TTC7A: variants seen among roughly 807,000 people sequenced by gnomAD.
TTC7A encodes the protein tetratricopeptide repeat domain 7A.
A neutral mutation model predicts 103.7 loss-of-function variants in TTC7A; 110 were observed. The observed-to-expected ratio is 1.06, with a 90% CI of 0.91 to 1.24. The LOEUF (loss-of-function observed/expected upper bound fraction) is 1.24, where lower values mean the gene tolerates loss of function less well. Among genes scored for constraint, TTC7A ranks in the 50% most tolerant of loss-of-function variants. The probability of loss-of-function intolerance (pLI) is 0.00; values close to 1 mark genes in which losing one functional copy is unlikely to be tolerated. For missense variants in TTC7A, 1,340 were observed against 1,116.3 expected (o/e 1.20, Z -2.86); for synonymous variants, 521 against 467.9 (o/e 1.11, Z -1.47).
intron 2 of TTC7A, among the ~76,000 whole-genome samples, chr2:46,952,654 C>T (rs1453064906): frequency 1.3e-5 from 2 of 152,096 alleles, no homozygotes; most frequent in African/African-American, 2.4e-5. Flanking sequence ...CAAGAAGCTG[C>T]GGCTGGAGGG....
intron 2 of TTC7A, among the ~76,000 whole-genome samples, chr2:46,928,172 G>A (rs150015547): frequency 3.1e-4 from 47 of 151,968 alleles, no homozygotes; most frequent in African/African-American, 1.0e-3. Context: ...GATTACAGGC[G>A]TGAGTCATTG....
At chr2:46,964,278 A>G (rs1017299387) in intron 3 of TTC7A, among the ~76,000 whole-genome samples, 2 of 152,128 alleles carry the variant, frequency 1.3e-5, no homozygotes, top group African/African-American at 2.4e-5. Flanking sequence ...GCCAAAGGGA[A>G]GCCCCGGGGG....
chr2:46,964,347 A>G (rs904794379), intron 3 of TTC7A, among the ~76,000 whole-genome samples: 10 of 152,234 alleles, frequency 6.6e-5, no homozygotes, highest in Middle Eastern at 3.4e-3. Context: ...TGGAGCCAAG[A>G]GGAGGTGTGT....
At chr2:47,005,884 C>G (rs1677318532) in intron 8 of TTC7A, 38 bp from the exon 9 acceptor site, 1 of 1,612,014 alleles carries the variant, frequency 6.2e-7, no homozygotes, top group Admixed American at 1.7e-5. Context: ...TGCTTATCTA[C>G]TCTCCTCACT....
intron 2 of TTC7A, among the ~76,000 whole-genome samples, chr2:46,935,707 G>A (rs183636246): frequency 8.3e-4 from 127 of 152,326 alleles, no homozygotes; most frequent in African/African-American, 2.9e-3. Context: ...GTGATCCTCT[G>A]AGGCTCTTAA....
At chr2:47,061,002 C>T (rs1339558998) in intron 19 of TTC7A, 31 bp downstream of exon 19, 2 of 1,554,472 alleles carry the variant, frequency 1.3e-6, no homozygotes, top group East Asian at 2.3e-5. Flanking sequence ...CTCCCACCAC[C>T]TCCTCCCACA....
intron 16 of TTC7A, chr2:47,047,013 C>G (rs1352603945): frequency 7.0e-6 from 3 of 429,262 alleles, no homozygotes; most frequent in East Asian, 4.0e-5. Context: ...GCTGGAGACC[C>G]TGGCCTGGGA....
Position 46,941,396 on chromosome 2 carries a change from C to G in TTC7A, c.-146C>G. ...TGCTGCTGCTGCTGCCCACCCTCCG[C>G]CGCCCGGGCCCCCGCTGCCGCCCGG... is the stretch of plus-strand genomic sequence containing the variant. On this transcript the variant is annotated 5_prime_UTR_variant, in exon 1 of 20. Transcript: ENST00000319190. This position sits in a 1 kb window ranked among gnomAD's most constrained non-coding sequence, Gnocchi z 4.2. 7.9e-6 allele frequency: 5 copies of G among 635,416 alleles called. No individual in the cohort carries two copies. Among genetic ancestry groups the G allele is most frequent in the Non-Finnish European group, 1.0e-5 (5 of 478,264 alleles). The allele number at this position is 635,416 out of a possible 1,614,324, so 39.4% of individuals were successfully genotyped here.
In TTC7A at chr2:47,060,830, G is replaced by A. The variant is rs369839639; in HGVS notation, c.2214G>A (p.Ala738=). Residue 738 remains alanine, a synonymous_variant, in exon 19 of 20, where the codon GCG becomes GCA. Coordinates refer to ENST00000319190, the MANE Select transcript of TTC7A (RefSeq NM_020458.4). ...KEAGFCIQEA[A]GLFPTSHSVL... ...CAGGTTTCTGCATCCAGGAGGCGGC[G>A]GGCCTCTTCCCCACTTCTCACTCAG... 5.1e-5 allele frequency: 82 copies of A among 1,613,708 alleles called. 2 individuals are homozygous for A. In the Admixed American group the frequency reaches 1.0e-3, roughly 20 times the overall value.
intron 2 of TTC7A, among the ~76,000 whole-genome samples, chr2:46,919,804 G>A (rs1436970363): frequency 6.6e-6 from 1 of 152,224 alleles, no homozygotes; most frequent in Non-Finnish European, 1.5e-5. Flanking sequence ...TTAATACACT[G>A]CCACCAAAGA....
chr2:46,965,833 A>G (rs28434195), intron 3 of TTC7A, among the ~76,000 whole-genome samples: 105,615 of 151,486 alleles, frequency 0.7, 36,995 homozygotes, highest in Middle Eastern at 0.75. Context: ...GGAGTACTGG[A>G]GTTACAGGCG....
rs34664382 is a variant in TTC7A at position 46,987,809 on chromosome 2, C to CGTGTGTGTGTGTGTGT, written c.765-5622_765-5607dup. Among the ~76,000 whole-genome samples, 453 of 144,626 alleles carry CGTGTGTGTGTGTGTGT rather than the reference C, an allele frequency of 3.1e-3. 5 individuals are homozygous for CGTGTGTGTGTGTGTGT. The highest frequency in any genetic ancestry group is 4.5e-3 in the Admixed American group (66 of 14,578). 94.9% of individuals were successfully genotyped at this position (144,626 alleles called of 152,430 possible). On this transcript the variant is annotated intron_variant, in intron 5 of 19. Coordinates refer to ENST00000319190, the MANE Select transcript of TTC7A (RefSeq NM_020458.4). ...GGTGAAAGCACTGTCCCTTTCCGCG[C>CGTGTGTGTGTGTGTGT]GTGTGTGTGTGTGTGTGTGTGTGTG...
intron 16 of TTC7A, chr2:47,047,381 C>G (rs768360969): frequency 2.7e-5 from 36 of 1,319,552 alleles, no homozygotes; most frequent in Non-Finnish European, 3.7e-5. Flanking sequence ...TCAGCCCTCA[C>G]TTTTCAGGCC....
At chr2:46,915,958 C>T (rs1030659300), upstream of TTC7A, 8 of 985,306 alleles carry the variant, frequency 8.1e-6, no homozygotes, top group Non-Finnish European at 9.6e-6. Context: ...CCAGCACTGG[C>T]GGGACTGACG....
intron 19 of TTC7A, among the ~76,000 whole-genome samples, chr2:47,073,012 A>AC (rs922065463): frequency 6.0e-5 from 9 of 150,858 alleles, no homozygotes; most frequent in African/African-American, 2.0e-4. Context: ...CGTGACCCAG[A>AC]CCCCCCAGGC....
At chr2:46,976,807 C>T (rs1341127726) in intron 4 of TTC7A, among the ~76,000 whole-genome samples, 2 of 152,210 alleles carry the variant, frequency 1.3e-5, no homozygotes, top group Non-Finnish European at 2.9e-5. Context: ...CCCCTGAGGG[C>T]AAAGTCACCC....
At chr2:47,047,599 G>T (rs1467223724) in intron 16 of TTC7A, among the ~76,000 whole-genome samples, 2 of 152,216 alleles carry the variant, frequency 1.3e-5, no homozygotes, top group Non-Finnish European at 2.9e-5. Context: ...TGCACAACCT[G>T]GCTCCCTTCC....
intron 3 of TTC7A, among the ~76,000 whole-genome samples, chr2:46,959,416 CAG>C (rs1363046936): frequency 1.1e-4 from 16 of 152,126 alleles, no homozygotes; most frequent in African/African-American, 3.1e-4. Flanking sequence ...TTGGTACTCT[CAG>C]GGGGTGGGCA....
intron 3 of TTC7A, among the ~76,000 whole-genome samples, chr2:46,973,229 G>A (rs1319078375): frequency 6.6e-6 from 1 of 152,234 alleles, no homozygotes; most frequent in Non-Finnish European, 1.5e-5. Flanking sequence ...AAAGTGAAGG[G>A]AAGGGGAGAA....
Sources: allele counts gnomAD v4.1 joint callset (sites outside exome capture counted in the v4.1 genomes callset), GRCh38; gene constraint gnomAD v4.1.1; non-coding constraint Gnocchi (gnomAD v3.1); transcripts MANE v1.5; gene names NCBI Gene and HGNC (gene_info 2026-07-23, HGNC 2026-07-21).